ATXN7L2: variants seen among roughly 807,000 people sequenced by gnomAD.
The protein encoded by ATXN7L2 is ataxin 7 like 2, also known as ataxin-7-like protein 2.
Under a neutral mutation model 59.6 loss-of-function variants are expected in ATXN7L2, and 17 were observed. The ratio of observed to expected loss-of-function variants is 0.29; its 90% CI spans 0.20 to 0.43. ATXN7L2 has a LOEUF of 0.43. Among genes scored for constraint, ATXN7L2 ranks in the 20% least tolerant of loss-of-function variants. The probability of loss-of-function intolerance (pLI) is 1.00; values close to 1 mark genes in which losing one functional copy is unlikely to be tolerated. For missense variants in ATXN7L2, 858 were observed against 1,008.9 expected (o/e 0.85, Z 2.03); for synonymous variants, 378 against 392.5 (o/e 0.96, Z 0.44).
Position 109,487,697 on chromosome 1 carries a change from T to C in ATXN7L2, c.689T>C (p.Ile230Thr). The C allele has an allele frequency of 1.2e-6, 2 of 1,613,256 alleles. No homozygotes were observed. The highest frequency in any genetic ancestry group is 1.7e-6 in the Non-Finnish European group (2 of 1,179,686). ...PSKEPPGREN[I>T]EIIPSEGSSH... ...AAAGAACCTCCTGGCAGAGAGAACA[T>C]CGAGATCATCCCCAGTGAGGGGTCC... The change falls in exon 5 of 11, where the codon ATC becomes ACC. Residue 230 changes from isoleucine (I) to threonine (T), a missense_variant. This residue lies in a region of ATXN7L2 where 734 missense variants were observed against 862.3 expected (regional missense o/e 0.85). Transcript: ENST00000683729.
rs1368043803 is a variant in ATXN7L2 at position 109,488,126 on chromosome 1, G to A, written c.797-257G>A. Among the ~76,000 whole-genome samples the A allele has an allele frequency of 6.6e-6, 1 of 152,240 alleles. No individual in the cohort carries two copies. Among genetic ancestry groups the A allele is most frequent in the Non-Finnish European group, 1.5e-5 (1 of 68,032 alleles). ...CTCCCAGATGCCCATGGCTGCTTTT[G>A]TTTCTTGATGTGTGTTGCCCTGCTT... is the stretch of plus-strand genomic sequence containing the variant. On this transcript the variant is annotated intron_variant, in intron 5 of 10. Transcript: ENST00000683729. The surrounding 1 kb of genome is among the most constrained non-coding windows in gnomAD (Gnocchi z 5.0).
rs1301890873 is a variant in ATXN7L2 at position 109,487,363 on chromosome 1, A to G, written c.509+146A>G. On this transcript the variant is annotated intron_variant, in intron 4 of 10. Coordinates refer to ENST00000683729, the MANE Select transcript of ATXN7L2 (RefSeq NM_001350175.2). ...TCTGCAGCTTCCTTCCATATATTCC[A>G]GGGAAGATGGGGTCTCCTCTTCCCG... 3.5e-6 allele frequency: 4 copies of G among 1,156,870 alleles called. No individual in the cohort carries two copies. The African/African-American group carries it at 4.7e-5, about 14-fold the overall frequency. The allele number at this position is 1,156,870 out of a possible 1,614,324, so 71.7% of individuals were successfully genotyped here.
In ATXN7L2 at chr1:109,484,060, C is replaced by T; in HGVS notation, c.107C>T (p.Ala36Val). The T allele has an allele frequency of 1.3e-6, 2 of 1,517,144 alleles. No individual in the cohort carries two copies. The highest frequency in any genetic ancestry group is 1.2e-5 in the South Asian group (1 of 81,872). The allele number at this position is 1,517,144 out of a possible 1,614,324, so 94.0% of individuals were successfully genotyped here. ...AGCTGGAGCTCGTGGGTGGAGCGGG[C>T]CGACCTGCCCGCGGCTGACGGTGAG... The part of the protein sequence containing the change: ...GQSWSSWVER[A>V]DLPAADGAEL... The change falls in exon 1 of 11, where the codon GCC becomes GTC. Residue 36 changes from alanine to valine, a missense_variant. This residue lies in a region of ATXN7L2 where 95 missense variants were observed against 82.6 expected (regional missense o/e 1.15). Transcript: ENST00000683729.
At chr1:109,489,452 G>A in intron 7 of ATXN7L2, 1 of 357,242 alleles carries the variant, frequency 2.8e-6, no homozygotes, top group Non-Finnish European at 5.2e-6. Flanking sequence ...CCCTTCGCGT[G>A]CAGAGGCTAT....
In ATXN7L2 at chr1:109,488,146, C is replaced by G. The variant is rs1656734775; in HGVS notation, c.797-237C>G. 6.6e-6 allele frequency among the ~76,000 whole-genome samples: 1 copy of G among 152,242 alleles called. No homozygotes were observed. Among genetic ancestry groups the G allele is most frequent in the African/African-American group, 2.4e-5 (1 of 41,476 alleles). ...CTTTTGTTTCTTGATGTGTGTTGCCCTGCTTTGGGCTTGAAGTCCCAAAAG... is the reference window on the plus strand; with the variant it reads ...CTTTTGTTTCTTGATGTGTGTTGCCGTGCTTTGGGCTTGAAGTCCCAAAAG... On this transcript the variant is annotated intron_variant, in intron 5 of 10. Coordinates refer to ENST00000683729, the MANE Select transcript of ATXN7L2 (RefSeq NM_001350175.2). This position sits in a 1 kb window ranked among gnomAD's most constrained non-coding sequence, Gnocchi z 5.0.
rs1411736510 is a variant in ATXN7L2, at chr1:109,491,566, T to C, written c.2099T>C (p.Val700Ala). ...LPTNCLSEEE[V>A]AKKRKNLATY... is the part of the protein sequence containing the mutation. ...ACCAACTGCCTCTCTGAGGAGGAGG[T>C]GGCCAAGAAGCGGAAAAACCTGGCC... The change falls in exon 10 of 11, where the codon GTG becomes GCG. Residue 700 changes from valine (V) to alanine (A), a missense_variant. Val to Ala is a moderately conservative substitution (Grantham distance 64). Transcript: ENST00000683729. This position sits in a 1 kb window ranked among gnomAD's most constrained non-coding sequence, Gnocchi z 4.1. 6.2e-7 allele frequency: 1 copy of C among 1,613,772 alleles called. No individual in the cohort carries two copies. Among genetic ancestry groups the C allele is most frequent in the Non-Finnish European group, 8.5e-7 (1 of 1,180,002 alleles).
In ATXN7L2 at chr1:109,489,922, C is replaced by A; in HGVS notation, c.1134-8C>A. On this transcript the variant is annotated splice_polypyrimidine_tract_variant and splice_region_variant and intron_variant, in intron 7 of 10. Coordinates refer to ENST00000683729, the MANE Select transcript of ATXN7L2 (RefSeq NM_001350175.2). ...ACATTCCCCTGGCATCCCTTTTGGC[C>A]CTTCCAGGTCCCGGGCCTCCTCCGA... The A allele has an allele frequency of 6.2e-7, 1 of 1,613,134 alleles. No homozygotes were observed. The highest frequency in any genetic ancestry group is 8.5e-7 in the Non-Finnish European group (1 of 1,179,972).
rs1023111193 is a variant in ATXN7L2 at position 109,487,525 on chromosome 1, G to C, written c.517G>C (p.Val173Leu). Residue 173 changes from valine (V) to leucine (L), a missense_variant, in exon 5 of 11, where the codon GTG becomes CTG. Val to Leu is a conservative substitution (Grantham distance 32). Transcript: ENST00000683729. ...CCCTCTCTCTGTGTGTAGCCTTTTC[G>C]TGCCTGTGGTGAATCTGGAGAAGAT... Reference protein sequence around the residue: ...KTQKDNLCLFVPVVNLEKMSS... With the variant: ...KTQKDNLCLFLPVVNLEKMSS... 1 of 1,496,176 alleles carries C rather than the reference G, an allele frequency of 6.7e-7. No homozygotes were observed. The highest frequency in any genetic ancestry group is 1.4e-5 in the African/African-American group (1 of 70,654). 92.7% of individuals were successfully genotyped at this position (1,496,176 alleles called of 1,614,324 possible).
intron 1 of ATXN7L2, among the ~76,000 whole-genome samples, chr1:109,484,434 T>G (rs1571075515): frequency 6.6e-6 from 1 of 151,734 alleles, no homozygotes; most frequent in Non-Finnish European, 1.5e-5. Flanking sequence ...CCTCCACGTG[T>G]TTCCCACGCA....
intron 4 of ATXN7L2, 105 bp downstream of exon 4, chr1:109,487,322 G>A: frequency 8.1e-7 from 1 of 1,236,538 alleles, no homozygotes; most frequent in Non-Finnish European, 1.1e-6. Flanking sequence ...CCTCACAGCA[G>A]GAGGCAGCCG....
chr1:109,489,401 A>C, intron 7 of ATXN7L2: 1 of 440,892 alleles, frequency 2.3e-6, no homozygotes, highest in African/African-American at 2.0e-5. Flanking sequence ...AAAGGGTCAC[A>C]CTCCTGGGCA....
chr1:109,492,093 C>A (rs866857039), intron 10 of ATXN7L2: 3 of 1,070,008 alleles, frequency 2.8e-6, no homozygotes, highest in Non-Finnish European at 3.4e-6. Flanking sequence ...GCCTAACATG[C>A]CGAGCAGCAA....
At position 109,488,517 on chromosome 1, in the gene ATXN7L2, C is replaced by G. The variant is rs1432266837; in HGVS notation, c.879+52C>G. On this transcript the variant is annotated intron_variant, in intron 6 of 10. Transcript: ENST00000683729. This position sits in a 1 kb window ranked among gnomAD's most constrained non-coding sequence, Gnocchi z 5.0. ...GGGAGGACAGCACAGGGCTTGCCCACTCCTTCCCTGGGCAAAGAGAGGAAT... is the reference window on the plus strand; with the variant it reads ...GGGAGGACAGCACAGGGCTTGCCCAGTCCTTCCCTGGGCAAAGAGAGGAAT... The G allele has an allele frequency of 6.6e-7, 1 of 1,521,866 alleles. No homozygotes were observed. The highest frequency in any genetic ancestry group is 1.2e-5 in the South Asian group (1 of 85,720). The allele number at this position is 1,521,866 out of a possible 1,614,324, so 94.3% of individuals were successfully genotyped here.
chr1:109,492,469 C>A, intron 10 of ATXN7L2, 117 bp from the exon 11 acceptor site: 3 of 1,401,656 alleles, frequency 2.1e-6, no homozygotes, highest in Non-Finnish European at 2.0e-6. Flanking sequence ...CAGTTTTACT[C>A]ACCAGGCCAG....
rs1053928487 is a variant in ATXN7L2 at position 109,486,721 on chromosome 1, G to C, written c.298+111G>C. On this transcript the variant is annotated intron_variant, in intron 3 of 10. Transcript: ENST00000683729. This position sits in a 1 kb window ranked among gnomAD's most constrained non-coding sequence, Gnocchi z 4.3. ...TAGGGTAATGGAGGGTGGTGTTGAG[G>C]ATAGGAAGGTTGTGGGGGTGGCTTC... 2.5e-5 allele frequency: 24 copies of C among 962,972 alleles called. No homozygotes were observed. In the African/African-American group the frequency reaches 3.6e-4, roughly 15 times the overall value. 59.7% of individuals were successfully genotyped at this position (962,972 alleles called of 1,614,324 possible).
At chr1:109,485,132 G>A (rs990835802) in intron 1 of ATXN7L2, 1 of 426,824 alleles carries the variant, frequency 2.3e-6, no homozygotes, top group African/African-American at 2.2e-5. Context: ...CATGCTGGGT[G>A]GGCAAAGATG....
chr1:109,485,450 C>T lies in ATXN7L2; in HGVS notation c.128-607C>T, dbSNP rs1002718305. ...GACCAAAGACAGCAGTTTCTCTGCT[C>T]TGTGACCATCCTATCAGTGCAGGAC... On this transcript the variant is annotated intron_variant, in intron 1 of 10. Coordinates refer to ENST00000683729, the MANE Select transcript of ATXN7L2 (RefSeq NM_001350175.2). The T allele has an allele frequency of 7.1e-6, 7 of 985,296 alleles. No individual in the cohort carries two copies. In the African/African-American group the frequency reaches 1.0e-4, roughly 15 times the overall value. 61.0% of individuals were successfully genotyped at this position (985,296 alleles called of 1,614,324 possible).
Position 109,491,215 on chromosome 1 carries a change from C to T in ATXN7L2, c.1748C>T (p.Ser583Phe), listed in dbSNP as rs758109335. The T allele has an allele frequency of 7.4e-6, 12 of 1,614,074 alleles. No individual in the cohort carries two copies. In the Admixed American group the frequency reaches 1.8e-4, roughly 25 times the overall value. The change falls in exon 10 of 11, where the codon TCC becomes TTC. Residue 583 changes from serine to phenylalanine, a missense_variant. Ser to Phe is a radical substitution (Grantham distance 155). Around this residue, in one of 3 missense-constraint regions of ATXN7L2, gnomAD observed 734 missense variants for 862.3 expected, o/e 0.85. Transcript: ENST00000683729. This position sits in a 1 kb window ranked among gnomAD's most constrained non-coding sequence, Gnocchi z 4.1. ...CCGTCCTTCAGCAAGCTGCCGCCTT[C>T]CAAGGCCAGCAAGTCATCCAAAGGC... ...PSPSFSKLPP[S>F]KASKSSKGKD...
intron 4 of ATXN7L2, 147 bp downstream of exon 4, chr1:109,487,364 G>A: frequency 8.7e-7 from 1 of 1,149,956 alleles, no homozygotes; most frequent in Non-Finnish European, 1.2e-6. Context: ...ATATATTCCA[G>A]GGAAGATGGG....
Sources: gnomAD v4.1 joint callset for allele counts (sites outside exome capture counted in the v4.1 genomes callset) on GRCh38, gnomAD v4.1.1 for gene constraint, gnomAD v4.1.1 regional missense constraint, Gnocchi (gnomAD v3.1) non-coding constraint, MANE v1.5 for transcripts, NCBI Gene and HGNC (gene_info 2026-07-23, HGNC 2026-07-21) for gene names.